Variants in AKAP3 observed in about 807,000 individuals in gnomAD.
AKAP3 encodes A-kinase anchor protein 3.
A neutral mutation model predicts 57.2 loss-of-function variants in AKAP3; 27 were observed. That is an observed-to-expected ratio of 0.47 (90% CI 0.35 to 0.65). The LOEUF (loss-of-function observed/expected upper bound fraction) is 0.65. AKAP3 is among the 30% of genes least tolerant of loss of function. AKAP3 has a pLI of 0.01. For missense variants in AKAP3, 959 were observed against 1,040.0 expected (o/e 0.92, Z 1.07); for synonymous variants, 334 against 392.3 (o/e 0.85, Z 1.76).
At chr12:4,623,427 A>G (rs1398327290) in intron 5 of AKAP3, among the ~76,000 whole-genome samples, 1 of 152,284 alleles carries the variant, frequency 6.6e-6, no homozygotes, top group African/African-American at 2.4e-5. Flanking sequence ...TTATGCAGTC[A>G]TAAAAAAGAA....
At position 4,628,374 on chromosome 12, in the gene AKAP3, T is replaced by C. The variant is rs1191390385; in HGVS notation, c.528A>G (p.Ser176=). The C allele has an allele frequency of 2.5e-6, 4 of 1,614,116 alleles. No homozygotes were observed. The highest frequency in any genetic ancestry group is 3.4e-6 in the Non-Finnish European group (4 of 1,180,040). The part of the protein sequence containing the change: ...TPTKSLSKIA[S]ELVNETVSAC... ...CAGAGACGGTCTCATTCACAAGCTC[T>C]GATGCTATCTTACTGAGGCTTTTGG... Residue 176 remains serine (S), a synonymous_variant, in exon 5 of 6, where the codon TCA becomes TCG. Transcript: ENST00000228850.
chr12:4,621,814 TATAAC>T (rs1366046879), intron 5 of AKAP3, among the ~76,000 whole-genome samples: 6 of 152,236 alleles, frequency 3.9e-5, no homozygotes, highest in South Asian at 2.1e-4. Context: ...TTTTCCAAAA[TATAAC>T]ATAAAACCCA....
chr12:4,623,158 G>A (rs964538821), intron 5 of AKAP3, among the ~76,000 whole-genome samples: 3 of 152,200 alleles, frequency 2.0e-5, no homozygotes, highest in African/African-American at 7.2e-5. Flanking sequence ...CACTGTTGGT[G>A]GGAGTGTAAA....
intron 1 of AKAP3, among the ~76,000 whole-genome samples, chr12:4,647,241 C>T (rs1945710668): frequency 6.6e-6 from 1 of 152,102 alleles, no homozygotes; most frequent in African/African-American, 2.4e-5. Flanking sequence ...CATTACGCCA[C>T]CCGATTCTCA....
chr12:4,630,463 GAAAGAAAAGA>G (rs765540169), intron 4 of AKAP3, among the ~76,000 whole-genome samples: 5 of 140,180 alleles, frequency 3.6e-5, no homozygotes, highest in African/African-American at 8.5e-5. Flanking sequence ...TGATTACTTG[GAAAGAAAAGA>G]AAAGAAAAGA....
chr12:4,640,976 T>G (rs2137448523), intron 3 of AKAP3, among the ~76,000 whole-genome samples: 1 of 151,816 alleles, frequency 6.6e-6, no homozygotes, highest in East Asian at 1.9e-4. Context: ...CTGGACAGAC[T>G]CTGTGAAAAA....
intron 1 of AKAP3, among the ~76,000 whole-genome samples, chr12:4,647,207 C>T (rs1025598850): frequency 9.2e-5 from 14 of 152,136 alleles, no homozygotes; most frequent in African/African-American, 2.7e-4. Context: ...TAGCACTTTA[C>T]GGGTGACAAA....
At position 4,627,770 on chromosome 12, in the gene AKAP3, G is replaced by A. The variant is rs780632019; in HGVS notation, c.1132C>T (p.Leu378=). ...QKATDIMDAM[L]RKLYNVMFAK... is the part of the protein sequence containing the mutation. ...AACATTACATTGTACAGCTTCCTTA[G>A]CATGGCATCCATGATATCTGTGGCC... The change falls in exon 5 of 6, where the codon CTA becomes TTA. Residue 378 remains leucine, a synonymous_variant. Coordinates refer to ENST00000228850, the MANE Select transcript of AKAP3 (RefSeq NM_001278309.2). 2.3e-5 allele frequency: 37 copies of A among 1,613,988 alleles called. 1 individual carries two copies. The South Asian group carries it at 4.0e-4, about 17-fold the overall frequency.
At chr12:4,632,316 C>T (rs1945508056) in intron 4 of AKAP3, among the ~76,000 whole-genome samples, 1 of 152,122 alleles carries the variant, frequency 6.6e-6, no homozygotes, top group African/African-American at 2.4e-5. Context: ...AGGAAGTCGT[C>T]GTCATGTGTA....
chr12:4,622,930 GA>G (rs1418302692), intron 5 of AKAP3, among the ~76,000 whole-genome samples: 2 of 151,944 alleles, frequency 1.3e-5, no homozygotes, highest in African/African-American at 4.8e-5. Flanking sequence ...AAATTTGCAA[GA>G]AAAAAACAAC....
chr12:4,618,654 T>G (rs1232670526), intron 5 of AKAP3, among the ~76,000 whole-genome samples: 1 of 152,254 alleles, frequency 6.6e-6, no homozygotes, highest in Non-Finnish European at 1.5e-5. Context: ...TCTACCTGTT[T>G]GACTCCAGTG....
chr12:4,633,626 A>T (rs1945526775), intron 4 of AKAP3, among the ~76,000 whole-genome samples: 1 of 151,946 alleles, frequency 6.6e-6, no homozygotes, highest in African/African-American at 2.4e-5. Context: ...TTAGGGAAGG[A>T]AGATGCCAAA....
rs1241965258 is a variant in AKAP3, at chr12:4,627,559, G to A, written c.1343C>T (p.Thr448Ile). 1 of 1,614,158 alleles carries A rather than the reference G, an allele frequency of 6.2e-7. No individual in the cohort carries two copies. The highest frequency in any genetic ancestry group is 1.1e-5 in the South Asian group (1 of 91,088). ...PKSEEETCAK[T>I]LGEHIIKEGL... Reference sequence around the variant, plus strand: ...CTCTTTGATAATGTGCTCACCCAGAGTTTTCGCACAAGTCTCCTCCTCTGA... The same window carrying A: ...CTCTTTGATAATGTGCTCACCCAGAATTTTCGCACAAGTCTCCTCCTCTGA... The change falls in exon 5 of 6, where the codon ACT becomes ATT. Residue 448 changes from threonine to isoleucine, a missense_variant. Coordinates refer to ENST00000228850, the MANE Select transcript of AKAP3 (RefSeq NM_001278309.2).
intron 4 of AKAP3, chr12:4,636,163 G>A: frequency 1.6e-6 from 1 of 639,740 alleles, no homozygotes; most frequent in Non-Finnish European, 2.8e-6. Flanking sequence ...GATTAGCCAT[G>A]TTCACATTTG....
rs117733278 is a variant in AKAP3, at chr12:4,631,778, T to C, written c.97-2973A>G. 9.2e-3 allele frequency among the ~76,000 whole-genome samples: 1,400 copies of C among 152,320 alleles called. 11 individuals carry two copies. Among genetic ancestry groups the C allele is most frequent in the Non-Finnish European group, 0.015 (1,046 of 68,034 alleles). ...AATTCACATAAATTAGGTAAATCTTTGGCAAATAATACTAGTTTAATAATT... is the reference window on the plus strand; with the variant it reads ...AATTCACATAAATTAGGTAAATCTTCGGCAAATAATACTAGTTTAATAATT... On this transcript the variant is annotated intron_variant, in intron 4 of 5. Transcript: ENST00000228850.
chr12:4,641,276 T>C (rs1260202335), intron 3 of AKAP3, among the ~76,000 whole-genome samples: 2 of 152,122 alleles, frequency 1.3e-5, no homozygotes, highest in Non-Finnish European at 2.9e-5. Context: ...CAATGGCCAA[T>C]AGAAGGATTG....
Position 4,627,029 on chromosome 12 carries a change from C to G in AKAP3, c.1873G>C (p.Asp625His). The G allele has an allele frequency of 6.2e-7, 1 of 1,614,044 alleles. No individual in the cohort carries two copies. Among genetic ancestry groups the G allele is most frequent in the Non-Finnish European group, 8.5e-7 (1 of 1,179,934 alleles). ...AACGGTCTTTCACACAACTTCCTATCTTCCTTAACTGGCTGTTCCGGCACC... is the reference window on the plus strand; with the variant it reads ...AACGGTCTTTCACACAACTTCCTATGTTCCTTAACTGGCTGTTCCGGCACC... Reference protein sequence around the residue: ...PKVPEQPVKEDRKLCERPLAS... With the variant: ...PKVPEQPVKEHRKLCERPLAS... Residue 625 changes from aspartate (D) to histidine (H), a missense_variant, in exon 5 of 6, where the codon GAT (aspartate) becomes CAT (histidine). By Grantham distance (81) the Asp-to-His change is moderately conservative. Coordinates refer to ENST00000228850, the MANE Select transcript of AKAP3 (RefSeq NM_001278309.2).
intron 5 of AKAP3, among the ~76,000 whole-genome samples, chr12:4,619,361 C>A (rs1316567876): frequency 6.6e-6 from 1 of 152,024 alleles, no homozygotes; most frequent in Non-Finnish European, 1.5e-5. Context: ...GAGCTTGAGA[C>A]CAGCCTGGGC....
chr12:4,626,081 G>C (rs1000935465), intron 5 of AKAP3, among the ~76,000 whole-genome samples: 6 of 152,004 alleles, frequency 3.9e-5, no homozygotes, highest in African/African-American at 1.4e-4. Flanking sequence ...TGGCATGTTT[G>C]AAAAGGTCAT....
Sources: allele counts gnomAD v4.1 joint callset (sites outside exome capture counted in the v4.1 genomes callset), GRCh38; gene constraint gnomAD v4.1.1; transcripts MANE v1.5; gene names NCBI Gene and HGNC (gene_info 2026-07-23, HGNC 2026-07-21).